Variants in FNDC3B observed in about 807,000 individuals in gnomAD.
FNDC3B encodes the protein fibronectin type III domain containing 3B.
In FNDC3B, 12 loss-of-function variants were observed where a neutral mutation model predicts 151.5. That is an observed-to-expected ratio of 0.08 (90% confidence interval 0.05 to 0.13). The LOEUF is 0.13. FNDC3B is among the 10% of genes least tolerant of loss of function. The pLI is 1.00. For missense variants in FNDC3B, 1,214 were observed against 1,505.3 expected, an observed-to-expected ratio of 0.81 and a Z score of 3.20; for synonymous variants, 528 against 549.0, an observed-to-expected ratio of 0.96 and a Z score of 0.54.
chr3:172,227,908 G>A (rs149345593), intron 4 of FNDC3B, among the ~76,000 whole-genome samples: 45 of 152,244 alleles, frequency 3.0e-4, no homozygotes, highest in Middle Eastern at 3.4e-3. Context: ...CTGCTAGGGC[G>A]AAAAATTGGC....
At position 172,343,090 on chromosome 3, in the gene FNDC3B, A is replaced by G; in HGVS notation, c.2051A>G (p.Lys684Arg). ...CCACCGAGGGTTTTGGGTAGACCAA[A>G]GCACAAAGAAGTCCACTTAGAGTGG... ...CRPPRVLGRP[K>R]HKEVHLEWDV... Residue 684 changes from lysine to arginine, a missense_variant, in exon 18 of 26, where the codon AAG becomes AGG. Transcript: ENST00000415807. 6.2e-7 allele frequency: 1 copy of G among 1,607,428 alleles called. No homozygotes were observed. Among genetic ancestry groups the G allele is most frequent in the Non-Finnish European group, 8.5e-7 (1 of 1,174,218 alleles).
intron 18 of FNDC3B, 151 bp from the exon 19 acceptor site, chr3:172,343,935 C>G (rs188711766): frequency 3.1e-6 from 2 of 641,936 alleles, no homozygotes; most frequent in Non-Finnish European, 5.4e-6. Flanking sequence ...ATTTTTATAT[C>G]TCTTTTTTGG....
intron 9 of FNDC3B, chr3:172,302,792 G>A (rs1329833949): frequency 6.6e-6 from 1 of 151,874 alleles, no homozygotes; most frequent in Non-Finnish European, 1.5e-5. Flanking sequence ...TTCTGTAAAG[G>A]GCATTGTGTT....
Position 172,120,211 on chromosome 3 carries a change from A to G in FNDC3B, c.111+7621A>G, listed in dbSNP as rs550524338. On this transcript the variant is annotated intron_variant, in intron 2 of 25. Coordinates refer to ENST00000415807, the MANE Select transcript of FNDC3B (RefSeq NM_022763.4). ...ATTAGCCAAAGGCAATAATAATAAG[A>G]TATAAGATGTAGTCAGTATCCTTCA... Among the ~76,000 whole-genome samples, 9 of 152,338 alleles carry G rather than the reference A, an allele frequency of 5.9e-5. No homozygotes were observed. The East Asian group carries it at 1.7e-3, about 29-fold the overall frequency.
At chr3:172,365,530 G>T (rs1052472631) in intron 23 of FNDC3B, among the ~76,000 whole-genome samples, 1 of 152,140 alleles carries the variant, frequency 6.6e-6, no homozygotes, top group Non-Finnish European at 1.5e-5. Flanking sequence ...CATCTTGTGC[G>T]AACCCTTGGC....
At chr3:172,055,756 G>GT (rs1343565429) in intron 1 of FNDC3B, among the ~76,000 whole-genome samples, 1 of 151,852 alleles carries the variant, frequency 6.6e-6, no homozygotes. Flanking sequence ...ACTGATGAAG[G>GT]TGAGTGAGTT....
At chr3:172,361,163 C>T (rs1181641059) in intron 22 of FNDC3B, among the ~76,000 whole-genome samples, 1 of 152,164 alleles carries the variant, frequency 6.6e-6, no homozygotes, top group African/African-American at 2.4e-5. Flanking sequence ...CCCCATTATC[C>T]TGAATATTAG....
At chr3:172,300,376 A>G (rs1730844575) in intron 9 of FNDC3B, among the ~76,000 whole-genome samples, 1 of 152,202 alleles carries the variant, frequency 6.6e-6, no homozygotes, top group East Asian at 1.9e-4. Flanking sequence ...TTTCCTGCTC[A>G]TTCATGAGCT....
At chr3:172,373,921 G>A (rs1734998041) in intron 23 of FNDC3B, among the ~76,000 whole-genome samples, 1 of 152,214 alleles carries the variant, frequency 6.6e-6, no homozygotes, top group African/African-American at 2.4e-5. Context: ...TTTATTGTCT[G>A]ATATTGGAGG....
chr3:172,376,291 A>C (rs983624585), intron 23 of FNDC3B, among the ~76,000 whole-genome samples: 7 of 152,304 alleles, frequency 4.6e-5, no homozygotes, highest in African/African-American at 1.7e-4. Flanking sequence ...TTTCTTTGTG[A>C]CTGTGAGTGC....
intron 1 of FNDC3B, among the ~76,000 whole-genome samples, chr3:172,103,391 A>G (rs1193684385): frequency 6.6e-6 from 1 of 152,206 alleles, no homozygotes; most frequent in Non-Finnish European, 1.5e-5. Flanking sequence ...CTCAAATTAC[A>G]TGTAATTTTT....
At chr3:172,341,321 A>G in intron 17 of FNDC3B, 90 bp downstream of exon 17, 1 of 922,194 alleles carries the variant, frequency 1.1e-6, no homozygotes, top group South Asian at 1.3e-5. Flanking sequence ...AGTTTAAACA[A>G]TGTATCTTGG....
At chr3:172,162,805 G>A (rs1013905801) in intron 3 of FNDC3B, among the ~76,000 whole-genome samples, 1 of 152,098 alleles carries the variant, frequency 6.6e-6, no homozygotes, top group South Asian at 2.1e-4. Flanking sequence ...GAGCTGTAAT[G>A]AAATTCTGTG....
At chr3:172,397,092 C>T in intron 25 of FNDC3B, 72 bp from the exon 26 acceptor site, 1 of 1,278,570 alleles carries the variant, frequency 7.8e-7, no homozygotes, top group Non-Finnish European at 1.1e-6. Context: ...TGGAGTGAAT[C>T]TAAACCAAGA....
intron 16 of FNDC3B, among the ~76,000 whole-genome samples, chr3:172,340,686 A>G (rs1462945369): frequency 6.6e-6 from 1 of 152,132 alleles, no homozygotes; most frequent in Non-Finnish European, 1.5e-5. Flanking sequence ...AACAGGGAGA[A>G]ATTCTTGCGT....
chr3:172,388,868 A>G (rs989064244), intron 25 of FNDC3B, among the ~76,000 whole-genome samples: 1 of 152,206 alleles, frequency 6.6e-6, no homozygotes, highest in African/African-American at 2.4e-5. Flanking sequence ...TAGCAATATA[A>G]TATATCATGT....
intron 3 of FNDC3B, among the ~76,000 whole-genome samples, chr3:172,141,846 G>A (rs1016008916): frequency 2.7e-5 from 4 of 149,746 alleles, no homozygotes; most frequent in East Asian, 1.9e-4. Flanking sequence ...GTGAGACTGC[G>A]TCTCAAAAAA....
chr3:172,258,483 C>T (rs1191525409), intron 6 of FNDC3B, among the ~76,000 whole-genome samples: 1 of 152,190 alleles, frequency 6.6e-6, no homozygotes, highest in Non-Finnish European at 1.5e-5. Context: ...TACAGCTTTA[C>T]TTCCCCCAAA....
At chr3:172,085,669 C>T (rs1319634075) in intron 1 of FNDC3B, among the ~76,000 whole-genome samples, 2 of 152,156 alleles carry the variant, frequency 1.3e-5, no homozygotes, top group Non-Finnish European at 2.9e-5. Context: ...TATCTAAGAC[C>T]TCTGCTTCTT....
Sources: allele counts gnomAD v4.1 joint callset (sites outside exome capture counted in the v4.1 genomes callset), GRCh38; gene constraint gnomAD v4.1.1; transcripts MANE v1.5; gene names NCBI Gene and HGNC (gene_info 2026-07-23, HGNC 2026-07-21).